Variants in HEATR5A observed in about 807,000 individuals in gnomAD.
HEATR5A encodes HEAT repeat-containing protein 5A.
In HEATR5A, 178 loss-of-function variants were observed where a neutral mutation model predicts 218.8. That is an observed-to-expected ratio of 0.81 (90% CI 0.72 to 0.92). The LOEUF (loss-of-function observed/expected upper bound fraction) is 0.92, where lower values mean the gene tolerates loss of function less well. Among genes scored for constraint, HEATR5A ranks in the 40% least tolerant of loss-of-function variants. The probability of loss-of-function intolerance (pLI) is 0.00; values close to 1 mark genes in which losing one functional copy is unlikely to be tolerated. For synonymous variants in HEATR5A, 864 were observed against 871.6 expected (o/e 0.99, Z 0.15); for missense variants, 2,420 against 2,418.9 (o/e 1.00, Z -0.01).
intron 1 of HEATR5A, among the ~76,000 whole-genome samples, chr14:31,413,137 C>T (rs926110134): frequency 6.6e-6 from 1 of 152,028 alleles, no homozygotes; most frequent in African/African-American, 2.4e-5. Context: ...AAGAATATTT[C>T]CTGCAAACTT....
chr14:31,383,615 G>A lies in HEATR5A; in HGVS notation c.1502C>T (p.Ser501Leu). 3 of 1,613,976 alleles carry A rather than the reference G, an allele frequency of 1.9e-6. No homozygotes were observed. The highest frequency in any genetic ancestry group is 2.5e-6 in the Non-Finnish European group (3 of 1,179,862). The change falls in exon 10 of 36, where the codon TCA becomes TTA. Residue 501 changes from serine to leucine, a missense_variant. Ser to Leu is a moderately radical substitution (Grantham distance 145). Coordinates refer to ENST00000543095, the MANE Select transcript of HEATR5A (RefSeq NM_015473.4). ...ACTGAAGCCAGTCACTGCTTCAGGT[G>A]AAGACTTATGTCCAGTAAGCCGTTC... The part of the protein sequence containing the change: ...CLERLTGHKS[S>L]PEAVTGFSFA...
chr14:31,381,556 T>TG (rs1172102918), intron 10 of HEATR5A, among the ~76,000 whole-genome samples: 2 of 55,170 alleles, frequency 3.6e-5, no homozygotes, highest in African/African-American at 6.8e-5. Flanking sequence ...CATGTCTCCT[T>TG]GGAAAAAAAA....
intron 16 of HEATR5A, among the ~76,000 whole-genome samples, chr14:31,358,383 A>T (rs1901499141): frequency 6.6e-6 from 1 of 152,144 alleles, no homozygotes; most frequent in African/African-American, 2.4e-5. Flanking sequence ...ATCTTATGTC[A>T]TTATTTTTCA....
At chr14:31,382,133 A>G (rs1275889696) in intron 10 of HEATR5A, among the ~76,000 whole-genome samples, 1 of 152,358 alleles carries the variant, frequency 6.6e-6, no homozygotes, top group South Asian at 2.1e-4. Flanking sequence ...TCCAAATATA[A>G]TATGGGAATG....
At chr14:31,400,535 GAC>G in intron 2 of HEATR5A, 23 bp from the exon 3 acceptor site, 1 of 1,438,794 alleles carries the variant, frequency 7.0e-7, no homozygotes, top group Non-Finnish European at 9.4e-7. Flanking sequence ...ATAACACAAA[GAC>G]AATTCAAAGT....
In HEATR5A at chr14:31,398,599, T is replaced by C. The variant is rs575837758; in HGVS notation, c.447+74A>G. On this transcript the variant is annotated intron_variant, in intron 4 of 35. Transcript: ENST00000543095. ...ATATGCTTGACATATGTAAAGCTCT[T>C]TGATTTGCTCAGGAAAGCATAAACC... 2.2e-4 allele frequency: 163 copies of C among 753,542 alleles called. 1 individual carries two copies. In the East Asian group the frequency reaches 4.3e-3, roughly 20 times the overall value. The allele number at this position is 753,542 out of a possible 1,614,324, so 46.7% of individuals were successfully genotyped here. A position where few individuals can be genotyped will look rare whatever the true frequency, so the allele number is the denominator to read the frequency against.
chr14:31,411,521 A>G (rs1389066794), intron 1 of HEATR5A, among the ~76,000 whole-genome samples: 3 of 152,232 alleles, frequency 2.0e-5, no homozygotes, highest in Non-Finnish European at 2.9e-5. Context: ...GAATGCTGCC[A>G]GAAGAATGAA....
chr14:31,312,965 T>C lies in HEATR5A; in HGVS notation c.4441+3A>G. ...GAATTATCTAAGTATTTTATCTCCT[T>C]ACCTTCAGCAGGAAGTTGGGAGGCA... On this transcript the variant is annotated splice_donor_region_variant and intron_variant, in intron 28 of 35. Coordinates refer to ENST00000543095, the MANE Select transcript of HEATR5A (RefSeq NM_015473.4). 1 of 1,600,506 alleles carries C rather than the reference T, an allele frequency of 6.2e-7. No individual in the cohort carries two copies. Among genetic ancestry groups the C allele is most frequent in the Non-Finnish European group, 8.6e-7 (1 of 1,167,908 alleles).
At chr14:31,417,106 T>C (rs537695788) in intron 1 of HEATR5A, among the ~76,000 whole-genome samples, 88 of 151,966 alleles carry the variant, frequency 5.8e-4, no homozygotes, top group African/African-American at 2.1e-3. Context: ...CTGCTTTGAG[T>C]AAAGGTACCT....
At chr14:31,326,482 C>T in intron 22 of HEATR5A, 140 bp from the exon 23 acceptor site, 1 of 639,322 alleles carries the variant, frequency 1.6e-6, no homozygotes, top group South Asian at 2.1e-5. Context: ...CTTTAATCTA[C>T]TGAGATCCAT....
chr14:31,363,511 A>T (rs61995558), intron 14 of HEATR5A, among the ~76,000 whole-genome samples: 12,376 of 152,254 alleles, frequency 0.081, 626 homozygotes, highest in Non-Finnish European at 0.12. Flanking sequence ...CTTATGTTTC[A>T]ATCCTGATTC....
chr14:31,306,604 G>T, intron 31 of HEATR5A, 128 bp downstream of exon 31: 1 of 926,134 alleles, frequency 1.1e-6, no homozygotes. Flanking sequence ...GTAAAATAAG[G>T]CCATGCCTAG....
At chr14:31,336,209 C>CATATAT (rs1900649354) in intron 22 of HEATR5A, among the ~76,000 whole-genome samples, 8 of 57,612 alleles carry the variant, frequency 1.4e-4, no homozygotes, top group Admixed American at 2.1e-4. Context: ...TTTATATATA[C>CATATAT]ATACATACAT....
intron 22 of HEATR5A, among the ~76,000 whole-genome samples, chr14:31,330,774 G>A (rs1900438553): frequency 6.6e-6 from 1 of 151,538 alleles, no homozygotes; most frequent in African/African-American, 2.4e-5. Context: ...CTGGGCGACA[G>A]AGTGAGACTC....
rs757378141 is a variant in HEATR5A at position 31,347,828 on chromosome 14, T to C, written c.2788A>G (p.Ile930Val). ...GAATTTAGGTGTTGAGAAGAACTTA[T>C]TCCTCCTAAATACCTATGTAGGGAC... ...LGSLHRYLGG[I>V]SSSQHLNSCI... Residue 930 changes from isoleucine (I) to valine (V), a missense_variant, in exon 19 of 36, where the codon ATA becomes GTA. Ile to Val is a conservative substitution (Grantham distance 29). Transcript: ENST00000543095. 6.9e-6 allele frequency: 11 copies of C among 1,605,310 alleles called. No homozygotes were observed. In the East Asian group the frequency reaches 1.8e-4, roughly 26 times the overall value.
intron 22 of HEATR5A, among the ~76,000 whole-genome samples, chr14:31,331,065 C>T (rs1196621189): frequency 6.6e-6 from 1 of 151,160 alleles, no homozygotes; most frequent in Non-Finnish European, 1.5e-5. Flanking sequence ...CCTCAGCCTC[C>T]CCAGTAGCTG....
chr14:31,388,730 G>C (rs539663885), intron 7 of HEATR5A, 115 bp downstream of exon 7: 13 of 743,134 alleles, frequency 1.7e-5, no homozygotes, highest in Non-Finnish European at 2.4e-5. Flanking sequence ...TCTATTTATA[G>C]ATATGAGAGC....
At chr14:31,390,617 C>T (rs962900552) in intron 6 of HEATR5A, among the ~76,000 whole-genome samples, 6 of 152,100 alleles carry the variant, frequency 3.9e-5, no homozygotes, top group Non-Finnish European at 7.4e-5. Context: ...ACATATATGA[C>T]GGTGGTCCTG....
At chr14:31,313,982 C>G (rs1899836991) in intron 27 of HEATR5A, among the ~76,000 whole-genome samples, 1 of 152,146 alleles carries the variant, frequency 6.6e-6, no homozygotes, top group South Asian at 2.1e-4. Context: ...AAGTCTCACC[C>G]TGTCACCCAG....
Sources: gnomAD v4.1 joint callset for allele counts (sites outside exome capture counted in the v4.1 genomes callset) on GRCh38, gnomAD v4.1.1 for gene constraint, MANE v1.5 for transcripts, NCBI Gene and HGNC (gene_info 2026-07-23, HGNC 2026-07-21) for gene names.